Variants in TMEM214 observed in about 807,000 individuals in gnomAD.
The protein encoded by TMEM214 is transmembrane protein 214.
Under a neutral mutation model 89.8 loss-of-function variants are expected in TMEM214, and 71 were observed. The observed-to-expected ratio is 0.79, with a 90% confidence interval of 0.65 to 0.96. TMEM214 has a LOEUF of 0.96. Ranked by LOEUF, TMEM214 falls within the 40% of genes least tolerant of loss-of-function variation. The pLI, the probability that TMEM214 is intolerant of heterozygous loss-of-function variation, is 0.00. For synonymous variants in TMEM214, 332 were observed against 349.5 expected, an observed-to-expected ratio of 0.95 and a Z score of 0.56; for missense variants, 754 against 843.4, an observed-to-expected ratio of 0.89 and a Z score of 1.31.
chr2:27,039,840 G>A lies in TMEM214; in HGVS notation c.1622+3G>A. 1 of 1,614,130 alleles carries A rather than the reference G, an allele frequency of 6.2e-7. No individual in the cohort carries two copies. Among genetic ancestry groups the A allele is most frequent in the African/African-American group, 1.3e-5 (1 of 75,056 alleles). ...TCCTACAGTCTGCAAGGCTACAGGT[G>A]AGCTCCTCCCAGGGAGGGGAGAGGA... On this transcript the variant is annotated splice_donor_region_variant and intron_variant, in intron 14 of 16. Transcript: ENST00000238788.
Position 27,038,537 on chromosome 2 carries a change from G to A in TMEM214, c.1293+5G>A. ...TGGGAGCAGATTCCCAAGAAGGTGA[G>A]GAGCTGGGAGGACGTGGCAGGTTGA... On this transcript the variant is annotated splice_donor_5th_base_variant and intron_variant, in intron 11 of 16. Coordinates refer to ENST00000238788, the MANE Select transcript of TMEM214 (RefSeq NM_017727.5). This position sits in a 1 kb window ranked among gnomAD's most constrained non-coding sequence, Gnocchi z 4.4. 6.2e-7 allele frequency: 1 copy of A among 1,613,992 alleles called. No homozygotes were observed.
Position 27,038,786 on chromosome 2 carries a change from G to A in TMEM214, c.1378G>A (p.Asp460Asn), listed in dbSNP as rs777355692. 6 of 1,614,036 alleles carry A rather than the reference G, an allele frequency of 3.7e-6. No homozygotes were observed. Among genetic ancestry groups the A allele is most frequent in the Middle Eastern group, 1.6e-4 (1 of 6,084 alleles). Residue 460 changes from aspartate to asparagine, a missense_variant, in exon 12 of 17, where the codon GAT becomes AAT. Transcript: ENST00000238788. This position sits in a 1 kb window ranked among gnomAD's most constrained non-coding sequence, Gnocchi z 4.4. ...GAGGAAGGGTAGCAGTAACAACCAGGATGTCGTCACCTGTGACATGGCCTG... is the reference window on the plus strand; with the variant it reads ...GAGGAAGGGTAGCAGTAACAACCAGAATGTCGTCACCTGTGACATGGCCTG... ...LLRKGSSNNQ[D>N]VVTCDMACKG...
rs561755227 is a variant in TMEM214 at position 27,038,064 on chromosome 2, G to T, written c.1153-82G>T. 1.9e-6 allele frequency: 3 copies of T among 1,611,938 alleles called. No homozygotes were observed. The highest frequency in any genetic ancestry group is 1.7e-5 in the Admixed American group (1 of 59,992). Reference sequence around the variant, plus strand: ...GTGCGGCCTGGATGGCCTTGCTTACGGGAAGGGGATCACCTCTTAGCACTC... The same window carrying T: ...GTGCGGCCTGGATGGCCTTGCTTACTGGAAGGGGATCACCTCTTAGCACTC... On this transcript the variant is annotated intron_variant, in intron 9 of 16. Coordinates refer to ENST00000238788, the MANE Select transcript of TMEM214 (RefSeq NM_017727.5). The surrounding 1 kb of genome is among the most constrained non-coding windows in gnomAD (Gnocchi z 4.4).
intron 13 of TMEM214, 131 bp downstream of exon 13, chr2:27,039,295 TACAG>T: frequency 1.3e-6 from 1 of 742,190 alleles, no homozygotes; most frequent in Non-Finnish European, 2.2e-6. Flanking sequence ...GTAAACACTT[TACAG>T]ACAGATTTTT....
At position 27,035,622 on chromosome 2, in the gene TMEM214, G is replaced by A. The variant is rs750669621; in HGVS notation, c.531G>A (p.Glu177=). The A allele has an allele frequency of 1.9e-6, 3 of 1,614,216 alleles. No homozygotes were observed. Among genetic ancestry groups the A allele is most frequent in the East Asian group, 2.2e-5 (1 of 44,882 alleles). ...ATCCCTACAGCCTGGTGAGCCGGGA[G>A]CTACGTGGGATCATCCGAGGGCTGC... ...HDYPYSLVSR[E]LRGIIRGLLA... The change falls in exon 4 of 17, where the codon GAG becomes GAA. Residue 177 remains glutamate, a synonymous_variant. Transcript: ENST00000238788.
Position 27,035,757 on chromosome 2 carries a change from C to G in TMEM214, c.637+29C>G, listed in dbSNP as rs753165793. On this transcript the variant is annotated intron_variant, in intron 4 of 16. Coordinates refer to ENST00000238788, the MANE Select transcript of TMEM214 (RefSeq NM_017727.5). ...AAAGGGGCACGGGAGGGATGACCAT[C>G]TTGGGAGCCTCCTCCTTTTTTTCCT... 6.8e-6 allele frequency: 11 copies of G among 1,613,474 alleles called. No homozygotes were observed. The Admixed American group carries it at 1.7e-4, about 24-fold the overall frequency.
chr2:27,035,444 G>C, intron 3 of TMEM214, 150 bp from the exon 4 acceptor site: 1 of 1,415,464 alleles, frequency 7.1e-7, no homozygotes, highest in Non-Finnish European at 9.6e-7. Flanking sequence ...CTCATTCTGT[G>C]ATCCTCCCTC....
At chr2:27,035,325 A>G in intron 3 of TMEM214, 40 bp downstream of exon 3, 1 of 1,613,254 alleles carries the variant, frequency 6.2e-7, no homozygotes, top group Non-Finnish European at 8.5e-7. Context: ...ACAAGTTCAA[A>G]TAAATTCAAA....
chr2:27,041,095 C>G lies in TMEM214; in HGVS notation c.*258C>G, dbSNP rs1354270389. The G allele has an allele frequency of 2.3e-6, 1 of 443,504 alleles. No individual in the cohort carries two copies. Among genetic ancestry groups the G allele is most frequent in the African/African-American group, 2.0e-5 (1 of 51,202 alleles). The allele number at this position is 443,504 out of a possible 1,614,324, so 27.5% of individuals were successfully genotyped here. A position where few individuals can be genotyped will look rare whatever the true frequency, so the allele number is the denominator to read the frequency against. ...ATGGCCCCCAGCCTCCATCCTTGTG[C>G]TGGTAGCCTCTCACAACTCCGCCCT... On this transcript the variant is annotated 3_prime_UTR_variant, in exon 17 of 17. Transcript: ENST00000238788.
At position 27,041,071 on chromosome 2, in the gene TMEM214, T is replaced by G. The variant is rs1367384045; in HGVS notation, c.*234T>G. 1 of 523,582 alleles carries G rather than the reference T, an allele frequency of 1.9e-6. No homozygotes were observed. Among genetic ancestry groups the G allele is most frequent in the African/African-American group, 1.9e-5 (1 of 52,600 alleles). The allele number at this position is 523,582 out of a possible 1,614,324, so 32.4% of individuals were successfully genotyped here. On this transcript the variant is annotated 3_prime_UTR_variant, in exon 17 of 17. Transcript: ENST00000238788. ...AACACTTTTCTGGCCCTACTGCACA[T>G]GGCCCCCAGCCTCCATCCTTGTGCT... is the stretch of plus-strand genomic sequence containing the variant.
rs747646199 is a variant in TMEM214, at chr2:27,040,339, G to C, written c.1792-6G>C. On this transcript the variant is annotated splice_polypyrimidine_tract_variant and splice_region_variant and intron_variant, in intron 15 of 16. Transcript: ENST00000238788. ...ACTCTGACCCCATCCATTCTCCATG[G>C]TCCAGCTACAGATCCAGCTCCCCGA... 1.2e-6 allele frequency: 2 copies of C among 1,613,952 alleles called. No homozygotes were observed. Among genetic ancestry groups the C allele is most frequent in the African/African-American group, 2.7e-5 (2 of 74,926 alleles).
Position 27,039,265 on chromosome 2 carries a change from C to G in TMEM214, c.1525+101C>G, listed in dbSNP as rs112473844. On this transcript the variant is annotated intron_variant, in intron 13 of 16. Coordinates refer to ENST00000238788, the MANE Select transcript of TMEM214 (RefSeq NM_017727.5). ...CCAGCAGCACACATCTTTGTCCTGA[C>G]GAGTTCTCAATCCTGCAGAGTAAAC... 8.0e-6 allele frequency: 8 copies of G among 1,001,584 alleles called. No individual in the cohort carries two copies. In the Admixed American group the frequency reaches 1.5e-4, roughly 18 times the overall value. The allele number at this position is 1,001,584 out of a possible 1,614,324, so 62.0% of individuals were successfully genotyped here. A position where few individuals can be genotyped will look rare whatever the true frequency, so the allele number is the denominator to read the frequency against.
chr2:27,035,095 A>G (rs776398959), intron 2 of TMEM214, 40 bp from the exon 3 acceptor site: 2 of 1,610,614 alleles, frequency 1.2e-6, no homozygotes, highest in Admixed American at 3.3e-5. Context: ...CCTCACTCAC[A>G]ACTCGCCATG....
At chr2:27,035,039 C>A in intron 2 of TMEM214, 96 bp from the exon 3 acceptor site, 3 of 1,410,824 alleles carry the variant, frequency 2.1e-6, no homozygotes, top group Non-Finnish European at 2.0e-6. Context: ...CTTCCTACTG[C>A]CACCTAGTTC....
In TMEM214 at chr2:27,039,849, C is replaced by A. The variant is rs373347150; in HGVS notation, c.1622+12C>A. On this transcript the variant is annotated intron_variant, in intron 14 of 16. Transcript: ENST00000238788. ...CTGCAAGGCTACAGGTGAGCTCCTC[C>A]CAGGGAGGGGAGAGGAGAGGCAGAA... is the stretch of plus-strand genomic sequence containing the variant. 221 of 1,613,672 alleles carry A rather than the reference C, an allele frequency of 1.4e-4. 1 individual carries two copies. In the African/African-American group the frequency reaches 2.3e-3, roughly 17 times the overall value.
chr2:27,037,831 G>C, intron 9 of TMEM214, 129 bp downstream of exon 9: 2 of 1,586,922 alleles, frequency 1.3e-6, no homozygotes, highest in South Asian at 1.1e-5. Context: ...GTTGACAGCT[G>C]CCTGCCCCGC....
chr2:27,038,329 G>A lies in TMEM214; in HGVS notation c.1244+92G>A. 1 of 1,551,004 alleles carries A rather than the reference G, an allele frequency of 6.4e-7. No homozygotes were observed. Among genetic ancestry groups the A allele is most frequent in the African/African-American group, 1.4e-5 (1 of 73,824 alleles). ...CATGGCCTGACACCTTTCAGGCTGAGTGGGAACATTGCTGGAGCAGCCTCT... is the reference window on the plus strand; with the variant it reads ...CATGGCCTGACACCTTTCAGGCTGAATGGGAACATTGCTGGAGCAGCCTCT... On this transcript the variant is annotated intron_variant, in intron 10 of 16. Transcript: ENST00000238788. The surrounding 1 kb of genome is among the most constrained non-coding windows in gnomAD (Gnocchi z 4.4).
intron 3 of TMEM214, 73 bp from the exon 4 acceptor site, chr2:27,035,521 G>A: frequency 6.3e-7 from 1 of 1,589,990 alleles, no homozygotes; most frequent in South Asian, 1.1e-5. Flanking sequence ...ACCATTCCCA[G>A]GGAGAGCACC....
Position 27,035,139 on chromosome 2 carries a change from A to G in TMEM214, c.356A>G (p.Asp119Gly), listed in dbSNP as rs1431391631. The stretch of plus-strand genomic sequence containing the variant: ...TTGGGGGATTGTCCCTGGCAGCTGG[A>G]TGTGGCAGACCTGCAGAAGGAACTG... ...RSLEEALKAL[D>G]VADLQKELDK... is the part of the protein sequence containing the mutation. Residue 119 changes from aspartate to glycine, a missense_variant, in exon 3 of 17, where the codon GAT becomes GGT. Transcript: ENST00000238788. The G allele has an allele frequency of 6.2e-7, 1 of 1,613,760 alleles. No homozygotes were observed. The highest frequency in any genetic ancestry group is 8.5e-7 in the Non-Finnish European group (1 of 1,179,980).
Sources: allele counts gnomAD v4.1 joint callset, GRCh38; gene constraint gnomAD v4.1.1; non-coding constraint Gnocchi (gnomAD v3.1); transcripts MANE v1.5; gene names NCBI Gene and HGNC (gene_info 2026-07-23, HGNC 2026-07-21).